PRH1: variants seen among roughly 807,000 people sequenced by gnomAD.
PRH1 encodes proline rich protein HaeIII subfamily 1, also known as salivary acidic proline-rich phosphoprotein 1/2.
PRH1 carries 7 observed loss-of-function variants against 7.9 expected under a neutral mutation model. The observed-to-expected ratio is 0.89, with a 90% CI of 0.50 to 1.67. PRH1 has a LOEUF of 1.67. PRH1 is among the 40% of genes most tolerant of loss of function. The pLI is 0.00. For synonymous variants in PRH1, 45 were observed against 80.8 expected (o/e 0.56, Z 2.38); for missense variants, 109 against 223.6 (o/e 0.49, Z 3.27).
intron 1 of PRH1, chr12:11,021,979 A>G (rs1212729903): frequency 4.4e-6 from 7 of 1,604,068 alleles, no homozygotes; most frequent in Middle Eastern, 1.7e-4. Flanking sequence ...AGAACAGATT[A>G]ACAGCAGAAA....
At chr12:11,054,748 G>GA (rs1943288787) in intron 1 of PRH1, among the ~76,000 whole-genome samples, 1 of 143,850 alleles carries the variant, frequency 7.0e-6, no homozygotes, top group Non-Finnish European at 1.5e-5. Flanking sequence ...TTGGAAATAA[G>GA]AAAAAAAGGT....
At chr12:10,910,478 A>C (rs528559359) in intron 2 of PRH1, among the ~76,000 whole-genome samples, 2 of 152,264 alleles carry the variant, frequency 1.3e-5, no homozygotes, top group East Asian at 3.9e-4. Flanking sequence ...AAATTAAAAA[A>C]ATAAAAAGTA....
chr12:11,071,491 G>T lies in PRH1; in HGVS notation n.124-24303C>A, dbSNP rs777215204. ...CCAGAGCCAGAGCACTTTGGGCACA[G>T]ACACAAAGGAATGTAGAGTAGTTTA... On this transcript the variant is annotated intron_variant and non_coding_transcript_variant, in intron 1 of 4. Coordinates refer to the PRH1 transcript ENST00000541977. Among the ~76,000 whole-genome samples, 370 of 152,292 alleles carry T rather than the reference G, an allele frequency of 2.4e-3. 3 individuals carry two copies. The highest frequency in any genetic ancestry group is 1.4e-3 in the Non-Finnish European group (97 of 68,008).
upstream of PRH1, among the ~76,000 whole-genome samples, chr12:10,888,001 G>A (rs1565451530): frequency 6.6e-6 from 1 of 152,092 alleles, no homozygotes; most frequent in Non-Finnish European, 1.5e-5. Context: ...TGTATAATAG[G>A]TCTTACTCAG....
intron 1 of PRH1, among the ~76,000 whole-genome samples, chr12:11,126,554 T>G (rs967698413): frequency 6.6e-6 from 1 of 152,212 alleles, no homozygotes; most frequent in Non-Finnish European, 1.5e-5. Context: ...TTGTCAACTT[T>G]AGCAATTAAA....
intron 1 of PRH1, among the ~76,000 whole-genome samples, chr12:11,020,300 G>A (rs76052458): frequency 0.069 from 1,231 of 17,752 alleles, no homozygotes; most frequent in East Asian, 0.35. Flanking sequence ...AAGAGAAAGC[G>A]AGACAGATAT....
chr12:11,170,408 A>G (rs558461763), intron 1 of PRH1, among the ~76,000 whole-genome samples: 2 of 152,262 alleles, frequency 1.3e-5, no homozygotes, highest in East Asian at 1.9e-4. Context: ...TTAGCCGGGC[A>G]TGGTGGCGGG....
At chr12:10,895,868 C>G (rs1949637352) in intron 2 of PRH1, 1 of 152,144 alleles carries the variant, frequency 6.6e-6, no homozygotes. Context: ...CAGTGTCTCC[C>G]AAATGCTTGA....
chr12:11,135,847 A>G lies in PRH1; in HGVS notation n.40-14667T>C, dbSNP rs565011533. ...CTCTTAGAGTTGTATAAGAATGTATACCAATAGTTTATTTTTCCCCTCAGT... is the reference window on the plus strand; with the variant it reads ...CTCTTAGAGTTGTATAAGAATGTATGCCAATAGTTTATTTTTCCCCTCAGT... On this transcript the variant is annotated intron_variant and non_coding_transcript_variant, in intron 1 of 1. Coordinates refer to the PRH1 transcript ENST00000541175. 1.2e-4 allele frequency among the ~76,000 whole-genome samples: 19 copies of G among 152,314 alleles called. No individual in the cohort carries two copies. In the East Asian group the frequency reaches 3.7e-3, roughly 29 times the overall value.
At position 11,004,137 on chromosome 12, in the gene PRH1, C is replaced by A. The variant is rs570037735; in HGVS notation, c.-125-30416G>T. Among the ~76,000 whole-genome samples, 7 of 152,092 alleles carry A rather than the reference C, an allele frequency of 4.6e-5. No individual in the cohort carries two copies. In the South Asian group the frequency reaches 1.5e-3, roughly 32 times the overall value. On this transcript the variant is annotated intron_variant, in intron 1 of 3. Transcript: ENST00000539853. Reference sequence around the variant, plus strand: ...CCTAGGAGCAGTGTATGAAAATTCCCACTGCTTCATATGCTCTCCAAAATT... The same window carrying A: ...CCTAGGAGCAGTGTATGAAAATTCCAACTGCTTCATATGCTCTCCAAAATT...
intron 2 of PRH1, among the ~76,000 whole-genome samples, chr12:10,921,207 A>C (rs1950040442): frequency 6.6e-6 from 1 of 152,074 alleles, no homozygotes; most frequent in Non-Finnish European, 1.5e-5. Flanking sequence ...AATAAATGAG[A>C]ATAAAACATT....
chr12:10,927,988 A>G (rs928606170), intron 2 of PRH1, among the ~76,000 whole-genome samples: 1 of 152,194 alleles, frequency 6.6e-6, no homozygotes, highest in Non-Finnish European at 1.5e-5. Flanking sequence ...TTATTGTCCA[A>G]TTGTAGAGAC....
At chr12:10,975,643 C>T (rs181466703) in intron 1 of PRH1, among the ~76,000 whole-genome samples, 220 of 151,846 alleles carry the variant, frequency 1.4e-3, no homozygotes, top group African/African-American at 5.0e-3. Flanking sequence ...GATAAAAAAG[C>T]GTAGCCTAAT....
intron 2 of PRH1, among the ~76,000 whole-genome samples, chr12:10,936,765 C>T (rs1950295436): frequency 6.6e-6 from 1 of 152,142 alleles, no homozygotes; most frequent in African/African-American, 2.4e-5. Flanking sequence ...TACGGCCTCA[C>T]TGTATGGCCT....
intron 1 of PRH1, among the ~76,000 whole-genome samples, chr12:11,025,471 C>A (rs1680783835): frequency 6.6e-6 from 1 of 152,278 alleles, no homozygotes; most frequent in Non-Finnish European, 1.5e-5. Context: ...CTACCTCTAG[C>A]TACTTTTCAG....
chr12:10,908,481 G>C, intron 2 of PRH1: 1 of 1,613,900 alleles, frequency 6.2e-7, no homozygotes, highest in Non-Finnish European at 8.5e-7. Flanking sequence ...GCTTGAAGGA[G>C]AGAAGACTCC....
chr12:10,924,968 G>A (rs766549448), intron 2 of PRH1, among the ~76,000 whole-genome samples: 26 of 152,168 alleles, frequency 1.7e-4, no homozygotes, highest in Middle Eastern at 6.8e-3. Flanking sequence ...TGGATTCATG[G>A]ATTTCTTGAA....
intron 1 of PRH1, among the ~76,000 whole-genome samples, chr12:10,984,470 ATAGT>A (rs1450978859): frequency 6.6e-6 from 1 of 151,660 alleles, no homozygotes; most frequent in Non-Finnish European, 1.5e-5. Flanking sequence ...CCACTCCCAT[ATAGT>A]TAGTTTACTG....
intron 2 of PRH1, among the ~76,000 whole-genome samples, chr12:10,939,663 T>C (rs1950363734): frequency 1.3e-5 from 2 of 152,020 alleles, no homozygotes; most frequent in African/African-American, 4.8e-5. Flanking sequence ...CTGAGAATTT[T>C]TACATACTTC....
Sources: gnomAD v4.1 joint callset for allele counts (sites outside exome capture counted in the v4.1 genomes callset) on GRCh38, gnomAD v4.1.1 for gene constraint, MANE v1.5 for transcripts, NCBI Gene and HGNC (gene_info 2026-07-23, HGNC 2026-07-21) for gene names.